Variants in CLASP1 observed in about 807,000 individuals in gnomAD.
CLASP1 encodes cytoplasmic linker associated protein 1.
Under a neutral mutation model 192.3 loss-of-function variants are expected in CLASP1, and 38 were observed. The observed-to-expected ratio is 0.20, with a 90% CI of 0.15 to 0.26. The LOEUF is 0.26. Among genes scored for constraint, CLASP1 ranks in the 10% least tolerant of loss-of-function variants. The pLI is 1.00. For missense variants in CLASP1, 1,433 were observed against 1,932.5 expected, an observed-to-expected ratio of 0.74 and a Z score of 4.85; for synonymous variants, 691 against 712.8, an observed-to-expected ratio of 0.97 and a Z score of 0.49.
At chr2:121,416,539 C>T (rs187521141) in intron 23 of CLASP1, among the ~76,000 whole-genome samples, 21 of 152,190 alleles carry the variant, frequency 1.4e-4, no homozygotes, top group African/African-American at 4.3e-4. Context: ...AAGAAGGAAC[C>T]TTCAGAGGAT....
Position 121,448,264 on chromosome 2 carries a change from T to C in CLASP1, c.1741+12A>G. 1.9e-6 allele frequency: 3 copies of C among 1,612,704 alleles called. No individual in the cohort carries two copies. Among genetic ancestry groups the C allele is most frequent in the Non-Finnish European group, 2.5e-6 (3 of 1,178,656 alleles). On this transcript the variant is annotated intron_variant, in intron 18 of 39. Transcript: ENST00000263710. ...GCGGAGAACAGGCCTTCTCCACGGC[T>C]GTCAGTCTCACCTCTAGATGTGGTA...
intron 14 of CLASP1, among the ~76,000 whole-genome samples, chr2:121,455,325 A>G (rs1228188729): frequency 6.6e-6 from 1 of 152,230 alleles, no homozygotes; most frequent in East Asian, 1.9e-4. Flanking sequence ...AAATGAAGTC[A>G]ATATGTTGAA....
At position 121,384,007 on chromosome 2, in the gene CLASP1, TACACACACAC is replaced by T. The variant is rs771174974; in HGVS notation, c.3375-1693_3375-1684del. Among the ~76,000 whole-genome samples, 8 of 139,692 alleles carry T rather than the reference TACACACACAC, an allele frequency of 5.7e-5. No homozygotes were observed. The South Asian group carries it at 6.6e-4, about 12-fold the overall frequency. The allele number at this position is 139,692 out of a possible 152,430, so 91.6% of individuals were successfully genotyped here. On this transcript the variant is annotated intron_variant, in intron 32 of 39. Transcript: ENST00000263710. ...CACTGGTGAGATATATATATATATATACACACACACACACACACACACACATATATATGTA... is the reference window on the plus strand; with the variant it reads ...CACTGGTGAGATATATATATATATATACACACACACACACATATATATGTA...
At chr2:121,648,602 C>A (rs1333921856) in intron 1 of CLASP1, among the ~76,000 whole-genome samples, 3 of 152,144 alleles carry the variant, frequency 2.0e-5, no homozygotes, top group Non-Finnish European at 4.4e-5. Flanking sequence ...GCTCGGAAAA[C>A]GGAAAGCAAA....
At chr2:121,390,470 TCA>T in intron 30 of CLASP1, among the ~76,000 whole-genome samples, 1 of 152,318 alleles carries the variant, frequency 6.6e-6, no homozygotes, top group East Asian at 1.9e-4. Context: ...GAAATGATTC[TCA>T]CACACACCCT....
At chr2:121,493,771 T>C (rs372389001) in intron 8 of CLASP1, among the ~76,000 whole-genome samples, 8 of 152,068 alleles carry the variant, frequency 5.3e-5, no homozygotes, top group African/African-American at 1.4e-4. Flanking sequence ...TAATTCAATT[T>C]AAAAGTAAGC....
chr2:121,382,893 T>A (rs938828668), intron 32 of CLASP1, among the ~76,000 whole-genome samples: 1 of 152,214 alleles, frequency 6.6e-6, no homozygotes, highest in Non-Finnish European at 1.5e-5. Context: ...ACAAGCTGTT[T>A]CCTTCTGAAA....
At chr2:121,454,866 TAAC>T (rs545246287) in intron 14 of CLASP1, among the ~76,000 whole-genome samples, 4 of 152,216 alleles carry the variant, frequency 2.6e-5, no homozygotes, top group African/African-American at 9.6e-5. Flanking sequence ...AAAATGAAAA[TAAC>T]AACAGCCACA....
intron 8 of CLASP1, among the ~76,000 whole-genome samples, chr2:121,487,068 T>C (rs554684746): frequency 2.6e-5 from 4 of 152,184 alleles, no homozygotes; most frequent in Non-Finnish European, 4.4e-5. Context: ...CTGACTTCAG[T>C]TGGTCCTACC....
chr2:121,531,088 A>T (rs149357866), intron 2 of CLASP1: 1 of 670,002 alleles, frequency 1.5e-6, no homozygotes. Flanking sequence ...TTAAACCAGT[A>T]GAGGGTGCAC....
intron 37 of CLASP1, among the ~76,000 whole-genome samples, chr2:121,359,737 G>A (rs2066012706): frequency 6.6e-6 from 1 of 152,104 alleles, no homozygotes; most frequent in Admixed American, 6.5e-5. Flanking sequence ...CTCAAATAGG[G>A]ACTATGAAAA....
intron 39 of CLASP1, among the ~76,000 whole-genome samples, chr2:121,345,036 G>A (rs2063277097): frequency 6.6e-6 from 1 of 152,204 alleles, no homozygotes; most frequent in Non-Finnish European, 1.5e-5. Flanking sequence ...GCGCACGCCT[G>A]TAATCCCAGC....
chr2:121,414,817 T>C (rs2078290447), intron 23 of CLASP1, among the ~76,000 whole-genome samples: 1 of 152,190 alleles, frequency 6.6e-6, no homozygotes, highest in South Asian at 2.1e-4. Context: ...AAGGTCTCAC[T>C]CTGTTGCCCA....
chr2:121,431,150 G>A (rs1199661079), intron 19 of CLASP1, among the ~76,000 whole-genome samples: 3 of 151,964 alleles, frequency 2.0e-5, no homozygotes, highest in Non-Finnish European at 4.4e-5. Context: ...AGTAATGCAG[G>A]AAGCAAATCC....
intron 2 of CLASP1, among the ~76,000 whole-genome samples, chr2:121,565,741 T>A (rs889514906): frequency 1.3e-5 from 2 of 152,142 alleles, no homozygotes; most frequent in Non-Finnish European, 2.9e-5. Flanking sequence ...AAATCAAAGA[T>A]CATCAGGCAT....
chr2:121,576,695 G>T (rs1423051610), intron 2 of CLASP1, among the ~76,000 whole-genome samples: 1 of 152,152 alleles, frequency 6.6e-6, no homozygotes, highest in Non-Finnish European at 1.5e-5. Context: ...AAATTCATGA[G>T]TTATATTAAT....
chr2:121,480,977 A>G (rs1404183258), intron 8 of CLASP1, among the ~76,000 whole-genome samples: 4 of 152,228 alleles, frequency 2.6e-5, no homozygotes, highest in Non-Finnish European at 4.4e-5. Context: ...CATGCGTCCA[A>G]AGGAGGACCG....
chr2:121,545,046 G>C (rs1392051823), intron 2 of CLASP1, among the ~76,000 whole-genome samples: 4 of 151,932 alleles, frequency 2.6e-5, no homozygotes, highest in African/African-American at 9.7e-5. Context: ...CGAGTAGCTG[G>C]GATTACAGGC....
intron 8 of CLASP1, among the ~76,000 whole-genome samples, chr2:121,498,561 T>A (rs1255268618): frequency 2.6e-5 from 4 of 152,104 alleles, no homozygotes; most frequent in South Asian, 4.2e-4. Context: ...ACAGATAAAT[T>A]GGACTTCATC....
Sources: gnomAD v4.1 joint callset for allele counts (sites outside exome capture counted in the v4.1 genomes callset) on GRCh38, gnomAD v4.1.1 for gene constraint, MANE v1.5 for transcripts, NCBI Gene and HGNC (gene_info 2026-07-23, HGNC 2026-07-21) for gene names.